The following TMPRSS6 variants were observed in gnomAD, a reference collection of about 807,000 sequenced individuals.
TMPRSS6 encodes the protein transmembrane protease serine 6.
In TMPRSS6, 67 loss-of-function variants were observed where a neutral mutation model predicts 101.5. The ratio of observed to expected loss-of-function variants is 0.66; its 90% CI spans 0.54 to 0.81. The LOEUF is 0.81. TMPRSS6 is among the 30% of genes least tolerant of loss of function. The pLI is 0.00. For synonymous variants in TMPRSS6, 453 were observed against 464.9 expected (o/e 0.97, Z 0.33); for missense variants, 1,034 against 1,088.7 (o/e 0.95, Z 0.71).
At chr22:37,072,811 TGGATGATGGATGGATGGATAGAC>T in intron 13 of TMPRSS6, among the ~76,000 whole-genome samples, 1 of 142,126 alleles carries the variant, frequency 7.0e-6, no homozygotes. Flanking sequence ...GATGGATGGA[TGGATGATGGATGGATGGATAGAC>T]GGATGATGGA....
chr22:37,084,441 G>T, intron 9 of TMPRSS6, 37 bp from the exon 10 acceptor site: 1 of 1,514,960 alleles, frequency 6.6e-7, no homozygotes, highest in Non-Finnish European at 9.1e-7. Context: ...TGGCCCATGG[G>T]GTGTGGCCAG....
intron 3 of TMPRSS6, among the ~76,000 whole-genome samples, chr22:37,097,845 AGC>A: frequency 1.0e-5 from 1 of 98,074 alleles, no homozygotes; most frequent in Non-Finnish European, 2.0e-5. Flanking sequence ...GAGGGGGAAG[AGC>A]GGGCCACCGT....
At chr22:37,095,454 C>T (rs901870007) in intron 6 of TMPRSS6, 97 bp downstream of exon 6, 3 of 1,497,074 alleles carry the variant, frequency 2.0e-6, no homozygotes, top group Non-Finnish European at 2.8e-6. Context: ...GCTCCCTGCA[C>T]ACACAACAGA....
In TMPRSS6 at chr22:37,103,329, G is replaced by A. The variant is rs1443477024; in HGVS notation, c.89C>T (p.Ala30Val). Residue 30 changes from alanine to valine, a missense_variant, in exon 2 of 18, where the codon GCC becomes GTC. By Grantham distance (64) the Ala-to-Val change is moderately conservative. Transcript: ENST00000676104. This position sits in a 1 kb window ranked among gnomAD's most constrained non-coding sequence, Gnocchi z 4.4. ...GGCTTTTCTCTTGGAGTCCTCACAG[G>A]CCTTGAACATCCCCTCCGGCTCCGC... ...EEAEPEGMFKACEDSKRKARG... is the reference protein window; with the variant it reads ...EEAEPEGMFKVCEDSKRKARG... The A allele has an allele frequency of 1.4e-5, 22 of 1,614,066 alleles. No individual in the cohort carries two copies. The highest frequency in any genetic ancestry group is 1.8e-5 in the Non-Finnish European group (21 of 1,180,032).
At chr22:37,098,681 TGTCATC>T (rs1425538769) in intron 2 of TMPRSS6, 132 bp from the exon 3 acceptor site, 2 of 1,168,264 alleles carry the variant, frequency 1.7e-6, no homozygotes, top group African/African-American at 3.0e-5. Context: ...GCACCATCAA[TGTCATC>T]ATCATCATCT....
chr22:37,071,974 A>G (rs1055234784), intron 13 of TMPRSS6, among the ~76,000 whole-genome samples: 14 of 145,310 alleles, frequency 9.6e-5, no homozygotes, highest in African/African-American at 3.7e-4. Flanking sequence ...TGGATGATGG[A>G]TGGATGGATG....
intron 2 of TMPRSS6, among the ~76,000 whole-genome samples, chr22:37,102,606 G>A (rs1194771231): frequency 2.6e-5 from 4 of 152,328 alleles, no homozygotes; most frequent in African/African-American, 7.2e-5. Flanking sequence ...GACTGACTGA[G>A]GGCTGTGACA....
In TMPRSS6 at chr22:37,104,128, G is replaced by T. The variant is rs371431959; in HGVS notation, c.-1-710C>A. Among the ~76,000 whole-genome samples the T allele has an allele frequency of 8.5e-5, 13 of 152,290 alleles. No homozygotes were observed. In the East Asian group the frequency reaches 2.5e-3, roughly 29 times the overall value. ...TCTTCCTCCAGCCCACACCACGTGG[G>T]TACTTCACCTGCTTTATCTCACTTA... On this transcript the variant is annotated intron_variant, in intron 1 of 17. Transcript: ENST00000676104.
rs1414434021 is a variant in TMPRSS6 at position 37,089,690 on chromosome 22, C to A, written c.724G>T (p.Gly242Cys). ...LASSCLWHLQ[G>C]PKDLMLKLRL... The stretch of plus-strand genomic sequence containing the variant: ...AGTTTGAGCATGAGGTCCTTGGGGC[C>A]CTGCAGGTGCCACAGGCAGCTGGAG... The change falls in exon 7 of 18, where the codon GGC becomes TGC. Residue 242 changes from glycine to cysteine, a missense_variant. Physicochemically the swap from Gly to Cys is radical, Grantham distance 159 (BLOSUM62 -3). Transcript: ENST00000676104. The A allele has an allele frequency of 1.2e-6, 2 of 1,612,194 alleles. No homozygotes were observed. The highest frequency in any genetic ancestry group is 2.2e-5 in the East Asian group (1 of 44,852).
intron 10 of TMPRSS6, 107 bp from the exon 11 acceptor site, chr22:37,075,387 C>G: frequency 6.9e-7 from 1 of 1,453,922 alleles, no homozygotes; most frequent in Non-Finnish European, 9.4e-7. Context: ...AGCTGCACGC[C>G]CGCTGTGCCT....
At position 37,086,380 on chromosome 22, in the gene TMPRSS6, A is replaced by G; in HGVS notation, c.876T>C (p.Val292=). The change falls in exon 8 of 18, where the codon GTT becomes GTC. Residue 292 remains valine, a synonymous_variant. Transcript: ENST00000676104. The part of the protein sequence containing the change: ...GCSRQEPVVE[V]LASGAIMAVV... The stretch of plus-strand genomic sequence containing the variant: ...CCGCCATGATGGCCCCCGACGCCAG[A>G]ACCTCCACCACGGGCTCCTGGCGGC... 6.2e-7 allele frequency: 1 copy of G among 1,609,102 alleles called. No individual in the cohort carries two copies.
chr22:37,098,512 T>A lies in TMPRSS6; in HGVS notation c.240A>T (p.Ser80=). ...KAEVMVSQVY[S]GSLRVLNRHF... is the part of the protein sequence containing the mutation. ...GGCGATTGAGTACACGCAGACTGCC[T>A]GAGTACACCTGGCTGACCATCACCT... Residue 80 remains serine, a synonymous_variant, in exon 3 of 18, where the codon TCA becomes TCT. Coordinates refer to ENST00000676104, the MANE Select transcript of TMPRSS6 (RefSeq NM_001374504.1). 2 of 1,614,118 alleles carry A rather than the reference T, an allele frequency of 1.2e-6. No homozygotes were observed. Among genetic ancestry groups the A allele is most frequent in the Non-Finnish European group, 1.7e-6 (2 of 1,180,018 alleles).
At chr22:37,074,917 T>G (rs1927484487) in intron 11 of TMPRSS6, among the ~76,000 whole-genome samples, 1 of 152,256 alleles carries the variant, frequency 6.6e-6, no homozygotes, top group African/African-American at 2.4e-5. Context: ...CACGTGGATA[T>G]GTATGAGTGT....
Position 37,098,431 on chromosome 22 carries a change from G to T in TMPRSS6, c.321C>A (p.Ala107=), listed in dbSNP as rs1264115523. 6.2e-7 allele frequency: 1 copy of T among 1,613,548 alleles called. No individual in the cohort carries two copies. Among genetic ancestry groups the T allele is most frequent in the African/African-American group, 1.3e-5 (1 of 74,676 alleles). ...CCTTTCCTACCATCTTCTGGGCTTTGGCGGTTTCACTGCGGAAGGCACTAG... is the reference window on the plus strand; with the variant it reads ...CCTTTCCTACCATCTTCTGGGCTTTTGCGGTTTCACTGCGGAAGGCACTAG... ...RESSAFRSET[A]KAQKMLKELI... Residue 107 remains alanine, a synonymous_variant, in exon 3 of 18, where the codon GCC becomes GCA. Coordinates refer to ENST00000676104, the MANE Select transcript of TMPRSS6 (RefSeq NM_001374504.1).
chr22:37,073,775 T>G (rs1281283938), intron 12 of TMPRSS6, 130 bp from the exon 13 acceptor site: 2 of 731,450 alleles, frequency 2.7e-6, no homozygotes, highest in South Asian at 1.4e-5. Flanking sequence ...GCTACTTTAT[T>G]TTTATGTCTC....
rs560949577 is a variant in TMPRSS6 at position 37,084,735 on chromosome 22, G to A, written c.1078C>T (p.His360Tyr). The A allele has an allele frequency of 1.5e-5, 23 of 1,561,850 alleles. No individual in the cohort carries two copies. Among genetic ancestry groups the A allele is most frequent in the Non-Finnish European group, 2.0e-5 (23 of 1,152,952 alleles). ...YYSPQTHCSW[H>Y]LTVPSLDYGL... ...GCAGGGTGGGGTCTCACCGTGAGGT[G>A]CCAGGAGCAGTGGGTTTGGGGCGAG... The change falls in exon 9 of 18, where the codon CAC (histidine) becomes TAC (tyrosine). Residue 360 changes from histidine (H) to tyrosine (Y), a missense_variant. His to Tyr is a moderately conservative substitution (Grantham distance 83). Transcript: ENST00000676104.
At chr22:37,091,229 T>C (rs1929233517) in intron 6 of TMPRSS6, among the ~76,000 whole-genome samples, 1 of 152,204 alleles carries the variant, frequency 6.6e-6, no homozygotes, top group African/African-American at 2.4e-5. Context: ...AAGCCTGGTG[T>C]TCTTCCAGGA....
Position 37,069,003 on chromosome 22 carries a change from C to T in TMPRSS6, c.2113+70G>A. The T allele has an allele frequency of 6.6e-7, 1 of 1,522,210 alleles. No homozygotes were observed. The highest frequency in any genetic ancestry group is 8.8e-7 in the Non-Finnish European group (1 of 1,140,382). The allele number at this position is 1,522,210 out of a possible 1,614,324, so 94.3% of individuals were successfully genotyped here. A position where few individuals can be genotyped will look rare whatever the true frequency, so the allele number is the denominator to read the frequency against. On this transcript the variant is annotated intron_variant, in intron 16 of 17. Coordinates refer to ENST00000676104, the MANE Select transcript of TMPRSS6 (RefSeq NM_001374504.1). This position sits in a 1 kb window ranked among gnomAD's most constrained non-coding sequence, Gnocchi z 4.8. ...CGGGACCCCCAGCCCCGCCCTTCTC[C>T]AGGCCAGGTGTTACGGCGCAGATCC...
chr22:37,078,230 G>A (rs561507450), intron 10 of TMPRSS6, among the ~76,000 whole-genome samples: 69 of 152,306 alleles, frequency 4.5e-4, no homozygotes, highest in Middle Eastern at 6.8e-3. Context: ...AACCCAAGCC[G>A]GGGTTGGAGG....
Sources: gnomAD v4.1 joint callset for allele counts (sites outside exome capture counted in the v4.1 genomes callset) on GRCh38, gnomAD v4.1.1 for gene constraint, Gnocchi (gnomAD v3.1) non-coding constraint, MANE v1.5 for transcripts, NCBI Gene and HGNC (gene_info 2026-07-23, HGNC 2026-07-21) for gene names.